Variants in BACH2 observed in about 807,000 individuals in gnomAD.
BACH2 encodes BACH transcriptional regulator 2, also known as transcription regulator protein BACH2.
In BACH2, 5 loss-of-function variants were observed where a neutral mutation model predicts 61.8. The observed-to-expected ratio is 0.08, with a 90% confidence interval of 0.04 to 0.17. The LOEUF is 0.17. Ranked by LOEUF, BACH2 falls within the 10% of genes least tolerant of loss-of-function variation. The pLI, the probability that BACH2 is intolerant of heterozygous loss-of-function variation, is 1.00. For missense variants in BACH2, 824 were observed against 1,091.1 expected, an observed-to-expected ratio of 0.76 and a Z score of 3.45; for synonymous variants, 446 against 440.1, an observed-to-expected ratio of 1.01 and a Z score of -0.17.
At chr6:90,101,829 T>G (rs1782639147) in intron 4 of BACH2, among the ~76,000 whole-genome samples, 1 of 152,236 alleles carries the variant, frequency 6.6e-6, no homozygotes, top group Non-Finnish European at 1.5e-5. Context: ...CTTAATTTCT[T>G]TCTATAGTAT....
chr6:90,183,076 T>C (rs1194057111), intron 4 of BACH2, among the ~76,000 whole-genome samples: 1 of 152,222 alleles, frequency 6.6e-6, no homozygotes, highest in African/African-American at 2.4e-5. Context: ...ATGCTGGCAT[T>C]CAGTGTGAAA....
At chr6:90,098,704 G>A (rs207253) in intron 4 of BACH2, among the ~76,000 whole-genome samples, 64,180 of 151,916 alleles carry the variant, frequency 0.42, 14,092 homozygotes, top group African/African-American at 0.53. Context: ...AAGAACTCCA[G>A]TACTTCTCTT....
At chr6:90,158,670 C>A (rs1006401679) in intron 4 of BACH2, among the ~76,000 whole-genome samples, 2 of 151,004 alleles carry the variant, frequency 1.3e-5, no homozygotes, top group African/African-American at 4.9e-5. Context: ...CCCAGGAGCA[C>A]AGGGCAGAGT....
At chr6:89,977,975 G>A (rs975907348) in intron 6 of BACH2, among the ~76,000 whole-genome samples, 8 of 152,074 alleles carry the variant, frequency 5.3e-5, no homozygotes, top group Admixed American at 3.3e-4. Context: ...ACATCTTTAC[G>A]CATACTCTAC....
intron 3 of BACH2, among the ~76,000 whole-genome samples, chr6:90,218,980 C>G (rs1769644514): frequency 6.7e-6 from 1 of 150,114 alleles, no homozygotes; most frequent in Non-Finnish European, 1.5e-5. Flanking sequence ...AGAGTGCACG[C>G]AAGAGAGATT....
At chr6:90,102,079 T>A (rs563318712) in intron 4 of BACH2, among the ~76,000 whole-genome samples, 3 of 152,332 alleles carry the variant, frequency 2.0e-5, no homozygotes, top group African/African-American at 7.2e-5. Context: ...TGCAGTCAAG[T>A]ATTTTTAAGT....
At chr6:90,092,306 A>T (rs1782201494) in intron 4 of BACH2, among the ~76,000 whole-genome samples, 1 of 133,746 alleles carries the variant, frequency 7.5e-6, no homozygotes, top group Non-Finnish European at 1.6e-5. Flanking sequence ...ATATATATAT[A>T]TATATATATA....
At chr6:90,192,944 G>A (rs887304162) in intron 4 of BACH2, among the ~76,000 whole-genome samples, 6 of 152,252 alleles carry the variant, frequency 3.9e-5, no homozygotes, top group Admixed American at 6.5e-5. Context: ...AGCACTGGAA[G>A]ATACAGGAGA....
chr6:90,122,553 A>C lies in BACH2; in HGVS notation c.-161-33444T>G, dbSNP rs138252062. On this transcript the variant is annotated intron_variant, in intron 4 of 8. Transcript: ENST00000257749. ...TGGCCCCAAATCTGCTCAAAGTCCA[A>C]CTGAACACAATCAATAATAGACTTA... Among the ~76,000 whole-genome samples the C allele has an allele frequency of 4.3e-3, 662 of 152,312 alleles. 4 individuals are homozygous for C. The highest frequency in any genetic ancestry group is 0.015 in the African/African-American group (638 of 41,560).
intron 7 of BACH2, among the ~76,000 whole-genome samples, chr6:89,944,614 G>C (rs992591860): frequency 1.3e-5 from 2 of 152,238 alleles, no homozygotes; most frequent in Middle Eastern, 3.4e-3. Flanking sequence ...GGAAGAGTTA[G>C]AGTCAGATGG....
rs530993961 is a variant in BACH2, at chr6:90,096,656, T to C, written c.-161-7547A>G. ...ACATAGAGGAACCAGAGGAGAGACA[T>C]TGCCCTGGGGATCTGCCTTTGCCAG... is the stretch of plus-strand genomic sequence containing the variant. On this transcript the variant is annotated intron_variant, in intron 4 of 8. Coordinates refer to ENST00000257749, the MANE Select transcript of BACH2 (RefSeq NM_021813.4). 1.4e-4 allele frequency among the ~76,000 whole-genome samples: 22 copies of C among 152,236 alleles called. 1 individual carries two copies. The South Asian group carries it at 4.1e-3, about 29-fold the overall frequency.
intron 1 of BACH2, among the ~76,000 whole-genome samples, chr6:90,284,936 G>A (rs1357533864): frequency 6.6e-6 from 1 of 152,058 alleles, no homozygotes; most frequent in South Asian, 2.1e-4. Flanking sequence ...CTTTATTACT[G>A]GTCAAAGCTG....
At chr6:90,103,017 ATATATATATATATTTT>A (rs1402693272) in intron 4 of BACH2, among the ~76,000 whole-genome samples, 1 of 32,482 alleles carries the variant, frequency 3.1e-5, no homozygotes, top group African/African-American at 2.0e-4. Context: ...ATATATATAT[ATATATATATATATTTT>A]TTTTTTTTTT....
chr6:90,179,883 T>C (rs1418787165), intron 4 of BACH2, among the ~76,000 whole-genome samples: 2 of 152,170 alleles, frequency 1.3e-5, no homozygotes, highest in African/African-American at 4.8e-5. Flanking sequence ...GATTTCAGTG[T>C]GGACAATGGC....
intron 1 of BACH2, among the ~76,000 whole-genome samples, chr6:90,285,137 A>G (rs1184290173): frequency 2.0e-5 from 3 of 152,252 alleles, no homozygotes; most frequent in Non-Finnish European, 4.4e-5. Context: ...ACACTTTCCG[A>G]TGAAAATAAG....
At chr6:90,238,592 G>C (rs1770334798) in intron 3 of BACH2, among the ~76,000 whole-genome samples, 1 of 152,182 alleles carries the variant, frequency 6.6e-6, no homozygotes, top group Non-Finnish European at 1.5e-5. Context: ...GCTAAAGTGA[G>C]GGTGGTGAAG....
intron 2 of BACH2, among the ~76,000 whole-genome samples, chr6:90,271,491 A>G (rs1327026656): frequency 1.3e-5 from 2 of 152,080 alleles, no homozygotes; most frequent in East Asian, 3.8e-4. Context: ...TTTATTTTGA[A>G]AAGAATGCTA....
At chr6:90,150,731 G>A (rs560210809) in intron 4 of BACH2, among the ~76,000 whole-genome samples, 1 of 152,076 alleles carries the variant, frequency 6.6e-6, no homozygotes, top group African/African-American at 2.4e-5. Context: ...CTCAGTGGAG[G>A]ACCCCTTGTG....
At position 90,271,852 on chromosome 6, in the gene BACH2, CTG is replaced by C. The variant is rs977679515; in HGVS notation, c.-358_-357del. ...CAAGCTGAGGTCCTTGCCTCACCTG[CTG>C]TGCTTCAAGGGCTCATCAGCTTGGT... On this transcript the variant is annotated 5_prime_UTR_variant, in exon 2 of 9. Transcript: ENST00000257749. 1.3e-5 allele frequency: 2 copies of C among 152,368 alleles called. No individual in the cohort carries two copies. The highest frequency in any genetic ancestry group is 4.8e-5 in the African/African-American group (2 of 41,450). The allele number at this position is 152,368 out of a possible 1,614,324, so 9.4% of individuals were successfully genotyped here.
Sources: allele counts gnomAD v4.1 joint callset (sites outside exome capture counted in the v4.1 genomes callset), GRCh38; gene constraint gnomAD v4.1.1; transcripts MANE v1.5; gene names NCBI Gene and HGNC (gene_info 2026-07-23, HGNC 2026-07-21).